Variants in LDB2 observed in about 807,000 individuals in gnomAD.
LDB2 encodes LIM domain-binding protein 2.
A neutral mutation model predicts 44.3 loss-of-function variants in LDB2; 12 were observed. The ratio of observed to expected loss-of-function variants is 0.27; its 90% CI spans 0.17 to 0.44. The LOEUF (loss-of-function observed/expected upper bound fraction) is 0.44, where lower values mean the gene tolerates loss of function less well. Among genes scored for constraint, LDB2 ranks in the 20% least tolerant of loss-of-function variants. LDB2 has a pLI of 1.00. For missense variants in LDB2, 344 were observed against 473.5 expected (o/e 0.73, Z 2.54); for synonymous variants, 164 against 174.8 (o/e 0.94, Z 0.49).
At chr4:16,538,620 C>T (rs985650393) in intron 5 of LDB2, among the ~76,000 whole-genome samples, 1 of 152,122 alleles carries the variant, frequency 6.6e-6, no homozygotes, top group African/African-American at 2.4e-5. Context: ...GTTTTAGAGT[C>T]AGTCAGTATA....
At chr4:16,727,261 A>T (rs1433304129) in intron 2 of LDB2, among the ~76,000 whole-genome samples, 1 of 152,214 alleles carries the variant, frequency 6.6e-6, no homozygotes, top group Non-Finnish European at 1.5e-5. Flanking sequence ...TTTTTCTCCT[A>T]GGAGAAGAGC....
intron 1 of LDB2, among the ~76,000 whole-genome samples, chr4:16,822,018 CTAGACTCA>C: frequency 6.6e-6 from 1 of 152,010 alleles, no homozygotes; most frequent in African/African-American, 2.4e-5. Flanking sequence ...CCAGAGAGAC[CTAGACTCA>C]TATCTTAGCT....
intron 5 of LDB2, among the ~76,000 whole-genome samples, chr4:16,565,482 T>C (rs1744164511): frequency 1.3e-5 from 2 of 152,234 alleles, no homozygotes; most frequent in South Asian, 4.1e-4. Context: ...TAAGAATAGA[T>C]ATTACCTTAA....
chr4:16,548,698 A>C (rs1314162079), intron 5 of LDB2, among the ~76,000 whole-genome samples: 2 of 152,256 alleles, frequency 1.3e-5, no homozygotes, highest in Non-Finnish European at 2.9e-5. Flanking sequence ...GAATCTGGCT[A>C]CCAAATTATA....
At chr4:16,691,224 G>T (rs1258111591) in intron 2 of LDB2, among the ~76,000 whole-genome samples, 1 of 151,780 alleles carries the variant, frequency 6.6e-6, no homozygotes, top group Non-Finnish European at 1.5e-5. Context: ...TCTTTCAGCT[G>T]GACTATGCTA....
At chr4:16,678,271 G>C (rs150967480) in intron 2 of LDB2, among the ~76,000 whole-genome samples, 19 of 152,312 alleles carry the variant, frequency 1.2e-4, no homozygotes, top group South Asian at 4.1e-4. Context: ...GTCAACTCAA[G>C]AGTTATTAGT....
intron 2 of LDB2, among the ~76,000 whole-genome samples, chr4:16,717,422 T>A (rs1276740673): frequency 6.6e-6 from 1 of 152,112 alleles, no homozygotes; most frequent in Non-Finnish European, 1.5e-5. Flanking sequence ...TCCTGCATTT[T>A]AGATGCATTC....
At chr4:16,816,651 T>C (rs1780984334) in intron 1 of LDB2, among the ~76,000 whole-genome samples, 1 of 152,078 alleles carries the variant, frequency 6.6e-6, no homozygotes, top group African/African-American at 2.4e-5. Context: ...CCTCAAGCGA[T>C]CCGCCCGCCT....
At chr4:16,763,785 T>C (rs760845203) in intron 1 of LDB2, among the ~76,000 whole-genome samples, 3 of 152,182 alleles carry the variant, frequency 2.0e-5, no homozygotes, top group Non-Finnish European at 4.4e-5. Context: ...TTAACTTCTA[T>C]GTTATACTGA....
intron 1 of LDB2, among the ~76,000 whole-genome samples, chr4:16,807,134 A>G (rs1175064480): frequency 1.3e-5 from 2 of 152,196 alleles, no homozygotes; most frequent in African/African-American, 4.8e-5. Context: ...CTGAAAGCCA[A>G]TCCTAAGATA....
chr4:16,886,757 G>T (rs988056708), intron 1 of LDB2, among the ~76,000 whole-genome samples: 28 of 152,008 alleles, frequency 1.8e-4, no homozygotes, highest in African/African-American at 6.0e-4. Context: ...TTTTGGCTGG[G>T]CACGGTGGCT....
At chr4:16,707,284 C>T (rs1262203734) in intron 2 of LDB2, among the ~76,000 whole-genome samples, 3 of 152,118 alleles carry the variant, frequency 2.0e-5, no homozygotes, top group African/African-American at 4.8e-5. Flanking sequence ...CTATTATACA[C>T]ATTTTGGCAA....
intron 2 of LDB2, among the ~76,000 whole-genome samples, chr4:16,739,589 A>AAAAT (rs1553994410): frequency 4.7e-5 from 3 of 64,292 alleles, no homozygotes; most frequent in African/African-American, 2.0e-4. Context: ...AAAAAAAAAA[A>AAAAT]ATATATATAT....
intron 2 of LDB2, among the ~76,000 whole-genome samples, chr4:16,607,127 C>G (rs976525790): frequency 1.3e-5 from 2 of 152,118 alleles, no homozygotes; most frequent in African/African-American, 2.4e-5. Context: ...TAAAACATGA[C>G]CCTTGAAAGG....
chr4:16,824,085 C>T (rs540241988), intron 1 of LDB2, among the ~76,000 whole-genome samples: 1 of 152,318 alleles, frequency 6.6e-6, no homozygotes, highest in East Asian at 1.9e-4. Flanking sequence ...AAGTACTGCT[C>T]AACACGTAGA....
At chr4:16,726,098 TTTATC>T (rs1288959535) in intron 2 of LDB2, among the ~76,000 whole-genome samples, 3 of 151,906 alleles carry the variant, frequency 2.0e-5, no homozygotes, top group Non-Finnish European at 4.4e-5. Context: ...TTATAATACT[TTTATC>T]TTAAACAGAA....
intron 2 of LDB2, among the ~76,000 whole-genome samples, chr4:16,707,279 A>C (rs1420590556): frequency 1.3e-5 from 2 of 152,180 alleles, no homozygotes; most frequent in Non-Finnish European, 2.9e-5. Context: ...TCTTTCTATT[A>C]TACACATTTT....
chr4:16,648,071 A>T (rs1477102458), intron 2 of LDB2, among the ~76,000 whole-genome samples: 1 of 152,188 alleles, frequency 6.6e-6, no homozygotes, highest in East Asian at 1.9e-4. Flanking sequence ...TCCCAAACAC[A>T]TCACATAGCA....
chr4:16,820,175 T>C (rs1379810699), intron 1 of LDB2, among the ~76,000 whole-genome samples: 1 of 152,250 alleles, frequency 6.6e-6, no homozygotes, highest in Non-Finnish European at 1.5e-5. Context: ...TTAGAAATGA[T>C]GTGACCAAAT....
Sources: gnomAD v4.1 joint callset for allele counts (sites outside exome capture counted in the v4.1 genomes callset) on GRCh38, gnomAD v4.1.1 for gene constraint, MANE v1.5 for transcripts, NCBI Gene and HGNC (gene_info 2026-07-23, HGNC 2026-07-21) for gene names.